Variants in BRD10 observed in about 807,000 individuals in gnomAD.
BRD10 encodes bromodomain containing 10, also known as uncharacterized bromodomain-containing protein 10.
At chr9:6,004,025 C>G in the BRD10 span, among the ~76,000 whole-genome samples, 6 of 152,206 alleles carry the variant, frequency 3.9e-5, no homozygotes, top group Admixed American at 6.5e-5. Flanking sequence ...ATGCCTTGCA[C>G]TCACTGTAGT....
the BRD10 span, among the ~76,000 whole-genome samples, chr9:5,884,560 C>A: frequency 6.6e-6 from 1 of 152,208 alleles, no homozygotes; most frequent in Non-Finnish European, 1.5e-5. Context: ...TTCCACTGGA[C>A]TGGCCTTCAT....
At chr9:5,975,251 C>A in the BRD10 span, among the ~76,000 whole-genome samples, 85 of 151,214 alleles carry the variant, frequency 5.6e-4, no homozygotes, top group African/African-American at 1.9e-3. Context: ...ACCTGACCAA[C>A]ATGGTGAAAC....
chr9:5,905,281 G>A, the BRD10 span, among the ~76,000 whole-genome samples: 2 of 152,060 alleles, frequency 1.3e-5, no homozygotes, highest in South Asian at 2.1e-4. Flanking sequence ...TCACCAAGGG[G>A]ACCCCAGGGA....
chr9:5,914,493 G>A, the BRD10 span, among the ~76,000 whole-genome samples: 2 of 123,580 alleles, frequency 1.6e-5, no homozygotes, highest in Non-Finnish European at 3.2e-5. Flanking sequence ...ACGCAATCTT[G>A]GCTCACTGCA....
At chr9:5,896,898 T>C in the BRD10 span, among the ~76,000 whole-genome samples, 4 of 152,134 alleles carry the variant, frequency 2.6e-5, no homozygotes, top group Admixed American at 1.3e-4. Flanking sequence ...CAGACACTTC[T>C]CCCTAGGGCT....
the BRD10 span, among the ~76,000 whole-genome samples, chr9:5,949,633 C>A: frequency 6.6e-6 from 1 of 152,110 alleles, no homozygotes; most frequent in Admixed American, 6.5e-5. Context: ...GGAGCAAGGG[C>A]ACACTGCATG....
the BRD10 span, among the ~76,000 whole-genome samples, chr9:5,948,266 C>T: frequency 6.6e-6 from 1 of 151,934 alleles, no homozygotes; most frequent in East Asian, 1.9e-4. Context: ...TGACACACTG[C>T]TAGAGGAAAC....
the BRD10 span, among the ~76,000 whole-genome samples, chr9:5,984,830 C>G: frequency 6.6e-6 from 1 of 151,134 alleles, no homozygotes. Context: ...AAAAAGAAAA[C>G]AAAACAATTA....
At chr9:5,985,891 C>T in the BRD10 span, among the ~76,000 whole-genome samples, 1 of 151,736 alleles carries the variant, frequency 6.6e-6, no homozygotes, top group Non-Finnish European at 1.5e-5. Context: ...AACAGAAGTA[C>T]AAGGAAACTA....
chr9:5,913,159 T>C, the BRD10 span, among the ~76,000 whole-genome samples: 1 of 152,226 alleles, frequency 6.6e-6, no homozygotes, highest in African/African-American at 2.4e-5. Flanking sequence ...CAGGTTAAAG[T>C]CAGTGAAAAT....
chr9:5,886,050 G>A, the BRD10 span, among the ~76,000 whole-genome samples: 1 of 152,228 alleles, frequency 6.6e-6, no homozygotes, highest in Non-Finnish European at 1.5e-5. Context: ...TGGCTAGCGG[G>A]GACCGAAAGC....
chr9:5,957,751 A>G, the BRD10 span, among the ~76,000 whole-genome samples: 1 of 152,146 alleles, frequency 6.6e-6, no homozygotes, highest in Non-Finnish European at 1.5e-5. Context: ...TTCAGTATAA[A>G]TTTTCCTGTA....
At chr9:5,981,766 A>T in the BRD10 span, among the ~76,000 whole-genome samples, 1 of 152,208 alleles carries the variant, frequency 6.6e-6, no homozygotes, top group Non-Finnish European at 1.5e-5. Flanking sequence ...TGGAAAATGG[A>T]TACACTGAAA....
At chr9:5,957,842 C>G in the BRD10 span, among the ~76,000 whole-genome samples, 1 of 152,008 alleles carries the variant, frequency 6.6e-6, no homozygotes, top group East Asian at 1.9e-4. Flanking sequence ...AAAATCATGC[C>G]TTTATTTGGT....
chr9:5,966,455 C>CTTTTTTT, the BRD10 span, among the ~76,000 whole-genome samples: 37 of 83,772 alleles, frequency 4.4e-4, no homozygotes, highest in South Asian at 9.0e-4. Flanking sequence ...CTAACATTTC[C>CTTTTTTT]TTTTTTTTTT....
chr9:5,902,989 C>T, the BRD10 span, among the ~76,000 whole-genome samples: 4 of 152,200 alleles, frequency 2.6e-5, no homozygotes, highest in African/African-American at 7.2e-5. Context: ...ACTGCTTGCA[C>T]TGCTAAGCAG....
At chr9:6,005,875 C>T in the BRD10 span, among the ~76,000 whole-genome samples, 1 of 152,100 alleles carries the variant, frequency 6.6e-6, no homozygotes, top group African/African-American at 2.4e-5. Flanking sequence ...ACTAAATAAT[C>T]CTACTCTATG....
chr9:5,925,107 C>T, the BRD10 span, among the ~76,000 whole-genome samples: 1 of 151,784 alleles, frequency 6.6e-6, no homozygotes, highest in African/African-American at 2.4e-5. Context: ...GCCTATAATC[C>T]CAGCACTTTG....
the BRD10 span, chr9:5,969,047 T>C: frequency 1.9e-6 from 3 of 1,612,594 alleles, no homozygotes; most frequent in Non-Finnish European, 2.5e-6. Context: ...CCCCAGTTTT[T>C]CAGCACAGTT....
Sources: gnomAD v4.1 joint callset for allele counts (sites outside exome capture counted in the v4.1 genomes callset) on GRCh38, gnomAD v4.1.1 for gene constraint, MANE v1.5 for transcripts, NCBI Gene and HGNC (gene_info 2026-07-23, HGNC 2026-07-21) for gene names.